FBXO21: variants seen among roughly 807,000 people sequenced by gnomAD.
FBXO21 encodes the protein F-box protein 21.
Under a neutral mutation model 76.6 loss-of-function variants are expected in FBXO21, and 32 were observed. That is an observed-to-expected ratio of 0.42 (90% CI 0.32 to 0.56). The LOEUF is 0.56. Among genes scored for constraint, FBXO21 ranks in the 20% least tolerant of loss-of-function variants. FBXO21 has a pLI of 0.16. For synonymous variants in FBXO21, 328 were observed against 311.5 expected (o/e 1.05, Z -0.56); for missense variants, 586 against 797.3 (o/e 0.73, Z 3.19).
chr12:117,173,099 A>G (rs1347279382), intron 6 of FBXO21, among the ~76,000 whole-genome samples: 1 of 151,902 alleles, frequency 6.6e-6, no homozygotes, highest in African/African-American at 2.4e-5. Context: ...CGATGGCGCA[A>G]TCTTGGCTCA....
intron 10 of FBXO21, 21 bp from the exon 11 acceptor site, chr12:117,155,969 A>C (rs1466269489): frequency 6.2e-7 from 1 of 1,612,290 alleles, no homozygotes; most frequent in South Asian, 1.1e-5. Context: ...CAGGAGGAGC[A>C]GTCAGTCCCT....
At chr12:117,182,374 T>C (rs1956242877) in intron 3 of FBXO21, among the ~76,000 whole-genome samples, 1 of 151,930 alleles carries the variant, frequency 6.6e-6, no homozygotes, top group Non-Finnish European at 1.5e-5. Context: ...CCTGTATTCC[T>C]AGCTACTCAG....
At chr12:117,162,590 T>C (rs1955994405) in intron 9 of FBXO21, among the ~76,000 whole-genome samples, 1 of 152,204 alleles carries the variant, frequency 6.6e-6, no homozygotes, top group Admixed American at 6.5e-5. Context: ...TAACCCTGCA[T>C]TACTGTGACA....
At chr12:117,182,532 C>T (rs1956244475) in intron 3 of FBXO21, among the ~76,000 whole-genome samples, 1 of 145,128 alleles carries the variant, frequency 6.9e-6, no homozygotes, top group Admixed American at 6.9e-5. Context: ...CACCTGTAAT[C>T]CCAGCACATT....
intron 9 of FBXO21, among the ~76,000 whole-genome samples, chr12:117,162,887 A>G (rs534791598): frequency 2.0e-5 from 3 of 152,276 alleles, no homozygotes; most frequent in African/African-American, 7.2e-5. Context: ...GACTGGAGTC[A>G]CGTACTTTTC....
chr12:117,167,186 C>A, intron 7 of FBXO21, 109 bp from the exon 8 acceptor site: 1 of 817,756 alleles, frequency 1.2e-6, no homozygotes. Flanking sequence ...AACATTTCTA[C>A]TTACAATATG....
At chr12:117,182,809 C>T (rs1956248219) in intron 3 of FBXO21, among the ~76,000 whole-genome samples, 2 of 151,954 alleles carry the variant, frequency 1.3e-5, no homozygotes, top group African/African-American at 4.8e-5. Context: ...GTGATCAACC[C>T]GCCTCGGCCT....
Position 117,143,118 on chromosome 12 carries a change from T to G in FBXO21, c.*2969A>C, listed in dbSNP as rs1378822524. 2.6e-5 allele frequency: 4 copies of G among 152,194 alleles called. No homozygotes were observed. The highest frequency in any genetic ancestry group is 9.6e-5 in the African/African-American group (4 of 41,452). 9.4% of individuals were successfully genotyped at this position (152,194 alleles called of 1,614,324 possible). A position where few individuals can be genotyped will look rare whatever the true frequency, so the allele number is the denominator to read the frequency against. On this transcript the variant is annotated 3_prime_UTR_variant, in exon 12 of 12. Coordinates refer to ENST00000622495, the MANE Select transcript of FBXO21 (RefSeq NM_015002.3). The stretch of plus-strand genomic sequence containing the variant: ...TGACGCCTGGCAAAACCGGTCTGAT[T>G]CTAAGGTAAACTCATTTTGGACATA...
At chr12:117,167,100 G>C (rs761654268) in intron 7 of FBXO21, 23 bp from the exon 8 acceptor site, 2 of 1,589,840 alleles carry the variant, frequency 1.3e-6, no homozygotes. Flanking sequence ...CCAAATATCA[G>C]ATGAGAGCTG....
intron 11 of FBXO21, chr12:117,154,952 C>T (rs1025380477): frequency 1.2e-4 from 19 of 152,196 alleles, no homozygotes; most frequent in African/African-American, 4.6e-4. Flanking sequence ...CAATGGCTTC[C>T]CTGTGCCTCA....
chr12:117,156,766 A>G (rs1317616121), intron 10 of FBXO21, among the ~76,000 whole-genome samples: 1 of 152,226 alleles, frequency 6.6e-6, no homozygotes, highest in African/African-American at 2.4e-5. Context: ...AATGCAATAA[A>G]GAATGAAAAC....
chr12:117,161,355 G>A (rs1054725618), intron 9 of FBXO21, among the ~76,000 whole-genome samples: 2 of 152,206 alleles, frequency 1.3e-5, no homozygotes, highest in Admixed American at 6.5e-5. Flanking sequence ...CTCCACGGGA[G>A]GTGGGGAGCA....
chr12:117,155,903 C>G lies in FBXO21; in HGVS notation c.1563G>C (p.Met521Ile). ...TGTTCCGGATCCACTCGTGTCCCAT[C>G]ATGCAGGTGGGGTCCCAGCCGTAGA... is the stretch of plus-strand genomic sequence containing the variant. ...CVIYGWDPTC[M>I]MGHEWIRNMN... Residue 521 changes from methionine to isoleucine, a missense_variant, in exon 11 of 12, where the codon ATG (methionine) becomes ATC (isoleucine). Coordinates refer to ENST00000622495, the MANE Select transcript of FBXO21 (RefSeq NM_015002.3). The G allele has an allele frequency of 6.2e-7, 1 of 1,614,198 alleles. No homozygotes were observed. Among genetic ancestry groups the G allele is most frequent in the Non-Finnish European group, 8.5e-7 (1 of 1,180,026 alleles).
In FBXO21 at chr12:117,155,438, C is replaced by A. The variant is rs574268009; in HGVS notation, c.1675+353G>T. 3.2e-4 allele frequency: 77 copies of A among 243,898 alleles called. No individual in the cohort carries two copies. In the East Asian group the frequency reaches 6.5e-3, roughly 20 times the overall value. The allele number at this position is 243,898 out of a possible 1,614,324, so 15.1% of individuals were successfully genotyped here. ...TGGGAGGCCAGGGAGCACTAGGGGG[C>A]CCCCAGGTGTTCATCCGGTTCCCTT... On this transcript the variant is annotated intron_variant, in intron 11 of 11. Transcript: ENST00000622495.
chr12:117,164,273 T>A (rs1410059255), intron 9 of FBXO21, among the ~76,000 whole-genome samples: 2 of 130,898 alleles, frequency 1.5e-5, no homozygotes, highest in African/African-American at 5.9e-5. Context: ...TCTTTTCTTT[T>A]CTTTTTTTTT....
In FBXO21 at chr12:117,189,354, G is replaced by C; in HGVS notation, c.248C>G (p.Ser83Cys). The change falls in exon 2 of 12, where the codon TCC (serine) becomes TGC (cysteine). Residue 83 changes from serine (S) to cysteine (C), a missense_variant. By Grantham distance (112) the Ser-to-Cys change is moderately radical. This residue lies in a region of FBXO21 where 152 missense variants were observed against 127.2 expected (regional missense o/e 1.19). Transcript: ENST00000622495. ...GGTGGGGCTGTAGTGTTTCATAAGG[G>C]AAGGCCACCTACGAGGAGAGAAACA... is the stretch of plus-strand genomic sequence containing the variant. ...WKEQFRVRWP[S>C]LMKHYSPTDY... 1 of 1,614,086 alleles carries C rather than the reference G, an allele frequency of 6.2e-7. No homozygotes were observed. The highest frequency in any genetic ancestry group is 2.2e-5 in the East Asian group (1 of 44,878).
At chr12:117,186,167 G>A (rs138286010) in intron 3 of FBXO21, among the ~76,000 whole-genome samples, 1,887 of 152,270 alleles carry the variant, frequency 0.012, 16 homozygotes, top group Non-Finnish European at 0.017. Context: ...GTGAGCCACC[G>A]TGCCTGGCCT....
chr12:117,182,973 G>A (rs188343286), intron 3 of FBXO21, among the ~76,000 whole-genome samples: 4 of 152,182 alleles, frequency 2.6e-5, no homozygotes, highest in African/African-American at 9.6e-5. Flanking sequence ...AGTGCCTGTA[G>A]TCCTAACTAC....
At chr12:117,149,351 C>A (rs758826306) in intron 11 of FBXO21, among the ~76,000 whole-genome samples, 26 of 152,144 alleles carry the variant, frequency 1.7e-4, no homozygotes, top group Admixed American at 1.3e-4. Flanking sequence ...GGTAAAGAAG[C>A]TGGGAATACC....
Sources: allele counts gnomAD v4.1 joint callset (sites outside exome capture counted in the v4.1 genomes callset), GRCh38; gene constraint gnomAD v4.1.1; regional missense constraint gnomAD v4.1.1; transcripts MANE v1.5; gene names NCBI Gene and HGNC (gene_info 2026-07-23, HGNC 2026-07-21).